ATP8A2: variants seen among roughly 807,000 people sequenced by gnomAD.
The protein encoded by ATP8A2 is ATPase phospholipid transporting 8A2, also known as phospholipid-transporting ATPase IB.
ATP8A2 carries 100 observed loss-of-function variants against 165.6 expected under a neutral mutation model. The ratio of observed to expected loss-of-function variants is 0.60; its 90% CI spans 0.51 to 0.71. The LOEUF is 0.71. Among genes scored for constraint, ATP8A2 ranks in the 30% least tolerant of loss-of-function variants. The probability of loss-of-function intolerance (pLI) is 0.00; values close to 1 mark genes in which losing one functional copy is unlikely to be tolerated. For missense variants in ATP8A2, 1,227 were observed against 1,479.5 expected (o/e 0.83, Z 2.80); for synonymous variants, 543 against 548.8 (o/e 0.99, Z 0.15).
At chr13:25,983,970 C>T (rs1043371891) in intron 35 of ATP8A2, among the ~76,000 whole-genome samples, 3 of 152,000 alleles carry the variant, frequency 2.0e-5, no homozygotes, top group Non-Finnish European at 2.9e-5. Flanking sequence ...CAGTGGCTCA[C>T]ACCTATCATC....
chr13:25,852,672 A>G lies in ATP8A2; in HGVS notation c.2957-7523A>G, dbSNP rs964303295. The stretch of plus-strand genomic sequence containing the variant: ...ACTCAGTTAATTAGTACAAACTCTC[A>G]TTTACAAAATTTACAGTTTCTTGGC... On this transcript the variant is annotated intron_variant, in intron 30 of 36. Transcript: ENST00000381655. Among the ~76,000 whole-genome samples the G allele has an allele frequency of 5.9e-5, 9 of 152,244 alleles. No individual in the cohort carries two copies. In the South Asian group the frequency reaches 1.4e-3, roughly 25 times the overall value.
chr13:25,788,691 A>ATGGCTGT (rs1247050542), intron 27 of ATP8A2, among the ~76,000 whole-genome samples: 12 of 152,228 alleles, frequency 7.9e-5, no homozygotes, highest in Non-Finnish European at 7.3e-5. Context: ...TATTGCAACT[A>ATGGCTGT]TATATCATTA....
At chr13:25,760,336 T>A (rs1340983549) in intron 25 of ATP8A2, among the ~76,000 whole-genome samples, 1 of 152,252 alleles carries the variant, frequency 6.6e-6, no homozygotes, top group Non-Finnish European at 1.5e-5. Context: ...GCCATATATA[T>A]GCCTCATGTC....
At chr13:25,508,830 A>G (rs145724023) in intron 2 of ATP8A2, among the ~76,000 whole-genome samples, 183 of 152,320 alleles carry the variant, frequency 1.2e-3, no homozygotes, top group African/African-American at 4.1e-3. Context: ...CAATGTAGAC[A>G]TGGCCAATTA....
At chr13:25,580,375 T>C (rs9581400) in intron 22 of ATP8A2, among the ~76,000 whole-genome samples, 89,915 of 152,076 alleles carry the variant, frequency 0.59, 28,311 homozygotes, top group Middle Eastern at 0.71. Context: ...TTGCCTACTT[T>C]GATTTTGTTG....
At chr13:25,437,822 G>A (rs1336579533) in intron 1 of ATP8A2, among the ~76,000 whole-genome samples, 1 of 152,294 alleles carries the variant, frequency 6.6e-6, no homozygotes, top group East Asian at 1.9e-4. Context: ...CTGCTTTGGA[G>A]AAGGAGTCAG....
At chr13:25,893,167 A>G (rs959896913) in intron 33 of ATP8A2, among the ~76,000 whole-genome samples, 1 of 150,322 alleles carries the variant, frequency 6.7e-6, no homozygotes, top group Non-Finnish European at 1.5e-5. Context: ...GTCATTTAGC[A>G]TTAGGTATAT....
chr13:25,768,961 T>C, intron 25 of ATP8A2, 85 bp from the exon 26 acceptor site: 1 of 1,295,122 alleles, frequency 7.7e-7, no homozygotes, highest in Middle Eastern at 1.8e-4. Flanking sequence ...CCAGTAACTG[T>C]CCTTTTAATG....
intron 25 of ATP8A2, among the ~76,000 whole-genome samples, chr13:25,717,176 AG>A (rs1388623598): frequency 6.6e-6 from 1 of 152,124 alleles, no homozygotes; most frequent in Non-Finnish European, 1.5e-5. Flanking sequence ...TTCATTCATC[AG>A]ATTATGGTAG....
intron 2 of ATP8A2, among the ~76,000 whole-genome samples, chr13:25,512,088 T>C (rs1007957079): frequency 3.3e-5 from 5 of 151,692 alleles, no homozygotes; most frequent in African/African-American, 1.2e-4. Flanking sequence ...GTGATGACTC[T>C]TAAGGAGCAT....
Position 25,530,084 on chromosome 13 carries a change from A to G in ATP8A2, c.307A>G (p.Ile103Val). The change falls in exon 3 of 37, where the codon ATT becomes GTT. Residue 103 changes from isoleucine (I) to valine (V), a missense_variant. Physicochemically the swap from Ile to Val is conservative, Grantham distance 29. This residue lies in a region of ATP8A2 where 356 missense variants were observed against 394.9 expected (regional missense o/e 0.90). Transcript: ENST00000381655. The stretch of plus-strand genomic sequence containing the variant: ...AGCTGCTAATGCCTTCTTTCTCTTC[A>G]TTGCCTTATTACAGGTAATGGTTTT... ...RRAANAFFLF[I>V]ALLQQIPDVS... 6.3e-7 allele frequency: 1 copy of G among 1,599,728 alleles called. No homozygotes were observed. Among genetic ancestry groups the G allele is most frequent in the Non-Finnish European group, 8.6e-7 (1 of 1,167,940 alleles).
At chr13:25,655,453 C>G (rs182992076) in intron 24 of ATP8A2, among the ~76,000 whole-genome samples, 1 of 152,220 alleles carries the variant, frequency 6.6e-6, no homozygotes, top group Non-Finnish European at 1.5e-5. Context: ...GCCACCACAC[C>G]CAGCCATCAG....
chr13:25,897,321 G>A (rs1184024155), intron 33 of ATP8A2, among the ~76,000 whole-genome samples: 4 of 152,096 alleles, frequency 2.6e-5, no homozygotes, highest in African/African-American at 9.7e-5. Flanking sequence ...TGAAATTCTG[G>A]GTTGAAAATT....
intron 21 of ATP8A2, among the ~76,000 whole-genome samples, chr13:25,579,607 C>T (rs766773251): frequency 2.6e-5 from 4 of 152,236 alleles, no homozygotes; most frequent in South Asian, 2.1e-4. Flanking sequence ...CTCAGCCTTA[C>T]GGAAGAGGTA....
chr13:26,010,996 G>A (rs1319213463), intron 35 of ATP8A2, among the ~76,000 whole-genome samples: 1 of 152,162 alleles, frequency 6.6e-6, no homozygotes, highest in Non-Finnish European at 1.5e-5. Context: ...TGGCCCTGAG[G>A]GAGCTAGGTG....
chr13:25,895,356 A>G (rs1192409091), intron 33 of ATP8A2, among the ~76,000 whole-genome samples: 8 of 152,158 alleles, frequency 5.3e-5, no homozygotes, highest in Non-Finnish European at 1.2e-4. Context: ...CGTATGTTGA[A>G]CCAGCCTTGC....
intron 19 of ATP8A2, among the ~76,000 whole-genome samples, chr13:25,575,272 A>G (rs903989872): frequency 6.6e-6 from 1 of 152,220 alleles, no homozygotes; most frequent in Non-Finnish European, 1.5e-5. Context: ...AAATGATGAC[A>G]GATGAGATCA....
At chr13:25,774,123 A>G (rs987083188) in intron 26 of ATP8A2, among the ~76,000 whole-genome samples, 4 of 132,618 alleles carry the variant, frequency 3.0e-5, no homozygotes, top group African/African-American at 1.0e-4. Flanking sequence ...TCCCTATTGC[A>G]GCACTATTCA....
chr13:25,809,453 T>C (rs1456165276), intron 27 of ATP8A2, among the ~76,000 whole-genome samples: 1 of 152,208 alleles, frequency 6.6e-6, no homozygotes, highest in Non-Finnish European at 1.5e-5. Context: ...CACTCGTTCT[T>C]CCTGCTTTGT....
Sources: allele counts gnomAD v4.1 joint callset (sites outside exome capture counted in the v4.1 genomes callset), GRCh38; gene constraint gnomAD v4.1.1; regional missense constraint gnomAD v4.1.1; transcripts MANE v1.5; gene names NCBI Gene and HGNC (gene_info 2026-07-23, HGNC 2026-07-21).